PRSS12: variants seen among roughly 807,000 people sequenced by gnomAD.
The protein encoded by PRSS12 is serine protease 12.
PRSS12 carries 85 observed loss-of-function variants against 104.4 expected under a neutral mutation model. That is an observed-to-expected ratio of 0.81 (90% CI 0.68 to 0.98). The LOEUF is 0.98. Ranked by LOEUF, PRSS12 falls within the 50% of genes least tolerant of loss-of-function variation. The pLI, the probability that PRSS12 is intolerant of heterozygous loss-of-function variation, is 0.00. For missense variants in PRSS12, 1,141 were observed against 1,139.2 expected (o/e 1.00, Z -0.02); for synonymous variants, 454 against 425.2 (o/e 1.07, Z -0.83).
intron 8 of PRSS12, among the ~76,000 whole-genome samples, chr4:118,300,357 G>A (rs1027795879): frequency 6.6e-6 from 1 of 151,830 alleles, no homozygotes; most frequent in Admixed American, 6.6e-5. Context: ...TAGGAATCAT[G>A]ACTAAATGGC....
At chr4:118,294,747 C>G (rs17594559) in intron 11 of PRSS12, among the ~76,000 whole-genome samples, 192 bp downstream of exon 11, 9,302 of 152,244 alleles carry the variant, frequency 0.061, 390 homozygotes, top group Non-Finnish European at 0.093. Flanking sequence ...TGTTTTAACA[C>G]CAGGGTAGCA....
chr4:118,347,659 A>C (rs1724391855), intron 1 of PRSS12, among the ~76,000 whole-genome samples: 1 of 152,132 alleles, frequency 6.6e-6, no homozygotes, highest in African/African-American at 2.4e-5. Flanking sequence ...GGAAACACTA[A>C]GTTATTGCAA....
intron 1 of PRSS12, among the ~76,000 whole-genome samples, chr4:118,345,930 A>T (rs1434723560): frequency 6.6e-6 from 1 of 152,228 alleles, no homozygotes. Context: ...GGTTAAGCTA[A>T]CTAATCTATG....
intron 8 of PRSS12, 67 bp downstream of exon 8, chr4:118,308,369 A>C (rs1578914332): frequency 6.3e-7 from 1 of 1,592,160 alleles, no homozygotes; most frequent in South Asian, 1.1e-5. Context: ...GTAACTCATT[A>C]GATTAAGCAT....
intron 5 of PRSS12, among the ~76,000 whole-genome samples, chr4:118,316,820 T>C (rs1723433453): frequency 8.6e-5 from 3 of 35,070 alleles, no homozygotes; most frequent in Non-Finnish European, 2.4e-4. Flanking sequence ...AGACTCCGTC[T>C]CACGGAAAAA....
At chr4:118,316,837 A>AAAATATATATATATATAT (rs35698159) in intron 5 of PRSS12, among the ~76,000 whole-genome samples, 10 of 99,178 alleles carry the variant, frequency 1.0e-4, no homozygotes, top group Non-Finnish European at 1.4e-4. Flanking sequence ...AAAAAAAAAA[A>AAAATATATATATATATAT]ATATATATAT....
intron 8 of PRSS12, among the ~76,000 whole-genome samples, chr4:118,299,777 A>AATAAG: frequency 1.3e-5 from 1 of 75,930 alleles, no homozygotes; most frequent in African/African-American, 3.8e-5. Context: ...AATAAAATAA[A>AATAAG]ATAAAATAAA....
Position 118,308,443 on chromosome 4 carries a change from C to G in PRSS12, c.1624G>C (p.Gly542Arg). Residue 542 changes from glycine to arginine, a missense_variant, in exon 8 of 13, where the codon GGC (glycine) becomes CGC (arginine). Coordinates refer to ENST00000296498, the MANE Select transcript of PRSS12 (RefSeq NM_003619.4). ...KDAAVICRQL[G>R]YKGPARARTM... Reference sequence around the variant, plus strand: ...TAATTAGGTTTTCCTTACTTGTAGCCAAGCTGACGACAGATCACAGCTGCA... The same window carrying G: ...TAATTAGGTTTTCCTTACTTGTAGCGAAGCTGACGACAGATCACAGCTGCA... 6.2e-7 allele frequency: 1 copy of G among 1,613,998 alleles called. No individual in the cohort carries two copies. Among genetic ancestry groups the G allele is most frequent in the East Asian group, 2.2e-5 (1 of 44,872 alleles).
intron 11 of PRSS12, among the ~76,000 whole-genome samples, chr4:118,293,793 A>G (rs1199637653): frequency 1.3e-5 from 2 of 152,230 alleles, no homozygotes; most frequent in African/African-American, 2.4e-5. Flanking sequence ...ATAAACTGAT[A>G]CAATTTCTTC....
intron 1 of PRSS12, among the ~76,000 whole-genome samples, chr4:118,351,551 G>C (rs1384334255): frequency 6.6e-6 from 1 of 152,082 alleles, no homozygotes; most frequent in African/African-American, 2.4e-5. Context: ...GGAAAACTGT[G>C]TATAACTATA....
chr4:118,348,657 T>TC (rs1724414630), intron 1 of PRSS12, among the ~76,000 whole-genome samples: 1 of 151,236 alleles, frequency 6.6e-6, no homozygotes, highest in Admixed American at 6.6e-5. Context: ...AATGATTCTT[T>TC]TTTTTTTTTT....
In PRSS12 at chr4:118,313,303, G is replaced by A. The variant is rs1655380587; in HGVS notation, c.1387C>T (p.Leu463Phe). Residue 463 changes from leucine to phenylalanine, a missense_variant, in exon 7 of 13, where the codon CTT (leucine) becomes TTT (phenylalanine). Coordinates refer to ENST00000296498, the MANE Select transcript of PRSS12 (RefSeq NM_003619.4). ...CCCCACTGTCGCCTGGAACACTGAA[G>A]AAATCTGGTTTCCTTTCCTGAGCAG... Reference protein sequence around the residue: ...VSCSGKETRFLQCSRRQWGRH... With the variant: ...VSCSGKETRFFQCSRRQWGRH... 3.1e-6 allele frequency: 5 copies of A among 1,613,994 alleles called. No homozygotes were observed. The highest frequency in any genetic ancestry group is 4.2e-6 in the Non-Finnish European group (5 of 1,180,004).
chr4:118,311,528 T>C lies in PRSS12; in HGVS notation c.1489+1673A>G, dbSNP rs147463872. On this transcript the variant is annotated intron_variant, in intron 7 of 12. Transcript: ENST00000296498. The stretch of plus-strand genomic sequence containing the variant: ...CCTCTAAGCTTCCCTTTTAAATATA[T>C]AGTAGTTTTTAATAGGTGGAAGTAA... 1.3e-3 allele frequency among the ~76,000 whole-genome samples: 191 copies of C among 152,298 alleles called. 1 individual carries two copies. Among genetic ancestry groups the C allele is most frequent in the African/African-American group, 4.2e-3 (175 of 41,570 alleles).
intron 8 of PRSS12, among the ~76,000 whole-genome samples, chr4:118,304,540 T>C (rs1195232360): frequency 1.3e-5 from 2 of 151,938 alleles, no homozygotes; most frequent in Non-Finnish European, 2.9e-5. Flanking sequence ...ATTTTTAAAA[T>C]TTTTTTAAGG....
At chr4:118,326,298 A>C (rs1723768544) in intron 4 of PRSS12, among the ~76,000 whole-genome samples, 1 of 152,234 alleles carries the variant, frequency 6.6e-6, no homozygotes, top group African/African-American at 2.4e-5. Context: ...TCCAATAATG[A>C]TGTTTGATGT....
chr4:118,283,873 T>C (rs1044233200), intron 11 of PRSS12, among the ~76,000 whole-genome samples: 2 of 152,224 alleles, frequency 1.3e-5, no homozygotes, highest in African/African-American at 4.8e-5. Flanking sequence ...GTCAGAGATA[T>C]CTTTGTTGTG....
rs1285324662 is a variant in PRSS12, at chr4:118,347,733, G to A, written c.502+4486C>T. On this transcript the variant is annotated intron_variant, in intron 1 of 12. Transcript: ENST00000296498. ...AGACAGGGTCTCCCTCCGTTGCCCA[G>A]AATGGGGTGCAGTGTCATGACTATA... Among the ~76,000 whole-genome samples the A allele has an allele frequency of 2.0e-5, 3 of 152,304 alleles. No homozygotes were observed. The East Asian group carries it at 5.8e-4, about 29-fold the overall frequency.
intron 8 of PRSS12, among the ~76,000 whole-genome samples, chr4:118,305,120 T>TATAC (rs1553955162): frequency 9.9e-5 from 14 of 141,338 alleles, no homozygotes; most frequent in East Asian, 2.0e-4. Context: ...TATATATATA[T>TATAC]ACACACACAC....
At chr4:118,327,299 G>A (rs999431892) in intron 4 of PRSS12, among the ~76,000 whole-genome samples, 3 of 151,924 alleles carry the variant, frequency 2.0e-5, no homozygotes, top group African/African-American at 4.8e-5. Context: ...CCACCAGTGC[G>A]TGCCACCACA....
Sources: gnomAD v4.1 joint callset for allele counts (sites outside exome capture counted in the v4.1 genomes callset) on GRCh38, gnomAD v4.1.1 for gene constraint, MANE v1.5 for transcripts, NCBI Gene and HGNC (gene_info 2026-07-23, HGNC 2026-07-21) for gene names.